The following GLI3 variants were observed in gnomAD, a reference collection of about 807,000 sequenced individuals.
The protein encoded by GLI3 is GLI family zinc finger 3, also known as transcription activator GLI3.
In GLI3, 20 loss-of-function variants were observed where a neutral mutation model predicts 100.8. That is an observed-to-expected ratio of 0.20 (90% CI 0.14 to 0.29). The LOEUF is 0.29. Among genes scored for constraint, GLI3 ranks in the 10% least tolerant of loss-of-function variants. The probability of loss-of-function intolerance (pLI) is 1.00; values close to 1 mark genes in which losing one functional copy is unlikely to be tolerated. For missense variants in GLI3, 2,040 were observed against 2,128.5 expected, an observed-to-expected ratio of 0.96 and a Z score of 0.82; for synonymous variants, 938 against 860.5, an observed-to-expected ratio of 1.09 and a Z score of -1.58.
intron 10 of GLI3, among the ~76,000 whole-genome samples, chr7:41,988,336 G>A (rs775647504): frequency 6.6e-6 from 1 of 152,068 alleles, no homozygotes; most frequent in Non-Finnish European, 1.5e-5. Flanking sequence ...TGTAGCAGGT[G>A]CCTGTAATCC....
In GLI3 at chr7:41,965,205, C is replaced by T. The variant is rs892373364; in HGVS notation, c.3868G>A (p.Gly1290Arg). The change falls in exon 15 of 15, where the codon GGG (glycine) becomes AGG (arginine). Residue 1290 changes from glycine (G) to arginine (R), a missense_variant. By Grantham distance (125) the Gly-to-Arg change is moderately radical. Transcript: ENST00000395925. ...KLKSTPMQGS[G>R]GQLNFGLPVA... is the part of the protein sequence containing the mutation. ...GGCAGGCCGAAATTCAGCTGGCCCC[C>T]GCTCCCTTGCATGGGGGTGCTCTTC... The T allele has an allele frequency of 1.2e-6, 2 of 1,613,904 alleles. No individual in the cohort carries two copies. The highest frequency in any genetic ancestry group is 1.7e-6 in the Non-Finnish European group (2 of 1,180,026).
At chr7:42,092,670 C>T (rs1458312211) in intron 3 of GLI3, among the ~76,000 whole-genome samples, 3 of 152,194 alleles carry the variant, frequency 2.0e-5, no homozygotes, top group Admixed American at 6.5e-5. Context: ...CGGCTTTTAT[C>T]TCAGAACCAC....
intron 3 of GLI3, among the ~76,000 whole-genome samples, chr7:42,117,013 C>A (rs983317346): frequency 4.6e-5 from 7 of 152,222 alleles, no homozygotes; most frequent in African/African-American, 1.2e-4. Context: ...AGGGACAGGG[C>A]CAAGGCTACA....
At chr7:42,238,003 G>GCCGCCGCCGCCGCCGCCT (rs1260875008), upstream of GLI3, 2 of 140,528 alleles carry the variant, frequency 1.4e-5, no homozygotes, top group African/African-American at 7.2e-5. Flanking sequence ...CGCCGCCGCC[G>GCCGCCGCCGCCGCCGCCT]CCTCCTCCTC....
intron 4 of GLI3, among the ~76,000 whole-genome samples, chr7:42,061,124 T>C (rs534863418): frequency 1.3e-5 from 2 of 152,326 alleles, no homozygotes; most frequent in East Asian, 3.9e-4. Flanking sequence ...TAGGTGGATA[T>C]AATTAATTGA....
chr7:42,110,603 C>T (rs548657035), intron 3 of GLI3, among the ~76,000 whole-genome samples: 4 of 152,226 alleles, frequency 2.6e-5, no homozygotes, highest in Admixed American at 2.6e-4. Context: ...CCCTGCACAG[C>T]ATCTACAAAA....
At chr7:42,057,938 C>T (rs1292914630) in intron 4 of GLI3, among the ~76,000 whole-genome samples, 1 of 152,088 alleles carries the variant, frequency 6.6e-6, no homozygotes, top group East Asian at 1.9e-4. Flanking sequence ...ATATTGGGTA[C>T]AATGTACACT....
At chr7:42,236,117 T>A (rs1583668200) in intron 1 of GLI3, among the ~76,000 whole-genome samples, 1 of 151,910 alleles carries the variant, frequency 6.6e-6, no homozygotes, top group Non-Finnish European at 1.5e-5. Context: ...AAAGGCCGGG[T>A]GCGGGGTGGA....
intron 10 of GLI3, among the ~76,000 whole-genome samples, chr7:42,005,395 A>C (rs1167507183): frequency 6.6e-6 from 1 of 151,966 alleles, no homozygotes; most frequent in Non-Finnish European, 1.5e-5. Flanking sequence ...ATGGATGGAT[A>C]GATGGATGGA....
At chr7:42,133,060 G>A (rs79582493) in intron 3 of GLI3, among the ~76,000 whole-genome samples, 2,750 of 152,018 alleles carry the variant, frequency 0.018, 78 homozygotes, top group African/African-American at 0.063. Context: ...AACACCAAAA[G>A]GCCTTCAATA....
chr7:42,027,487 T>C (rs1295723703), intron 7 of GLI3, among the ~76,000 whole-genome samples: 1 of 152,218 alleles, frequency 6.6e-6, no homozygotes, highest in Non-Finnish European at 1.5e-5. Context: ...ATCTGGTGGG[T>C]TAATTACTAT....
intron 2 of GLI3, among the ~76,000 whole-genome samples, chr7:42,202,384 TCA>T (rs1788062739): frequency 1.0e-5 from 1 of 96,098 alleles, no homozygotes; most frequent in Admixed American, 1.0e-4. Flanking sequence ...ACACACACAC[TCA>T]CACACACACA....
At chr7:42,024,719 C>CT (rs1789055044) in intron 9 of GLI3, among the ~76,000 whole-genome samples, 1 of 152,246 alleles carries the variant, frequency 6.6e-6, no homozygotes, top group Non-Finnish European at 1.5e-5. Context: ...ATCCTACACT[C>CT]TTCCTTTCAG....
At chr7:42,101,557 G>A (rs935695186) in intron 3 of GLI3, among the ~76,000 whole-genome samples, 1 of 151,982 alleles carries the variant, frequency 6.6e-6, no homozygotes, top group Non-Finnish European at 1.5e-5. Context: ...AGTGAGCCAT[G>A]TTGGCACCAC....
At chr7:42,069,374 C>T (rs1392669575) in intron 4 of GLI3, among the ~76,000 whole-genome samples, 1 of 152,110 alleles carries the variant, frequency 6.6e-6, no homozygotes, top group Non-Finnish European at 1.5e-5. Context: ...TTTATGTGCC[C>T]GCTCATCAGA....
intron 2 of GLI3, among the ~76,000 whole-genome samples, chr7:42,196,009 TC>T (rs1219407802): frequency 6.6e-5 from 10 of 152,160 alleles, no homozygotes; most frequent in Admixed American, 6.5e-4. Flanking sequence ...GTGGAGTGTG[TC>T]CAATAAGGTA....
chr7:42,007,417 A>G (rs939934391), intron 10 of GLI3, among the ~76,000 whole-genome samples: 5 of 152,198 alleles, frequency 3.3e-5, no homozygotes, highest in African/African-American at 4.8e-5. Context: ...TAAAAACTCA[A>G]TGATCACACC....
chr7:42,082,875 T>G (rs1421774088), intron 3 of GLI3, among the ~76,000 whole-genome samples: 3 of 152,182 alleles, frequency 2.0e-5, no homozygotes, highest in African/African-American at 7.2e-5. Context: ...GTGGGCCGGT[T>G]TTTGTAAATA....
intron 1 of GLI3, among the ~76,000 whole-genome samples, chr7:42,224,471 T>C (rs1788546998): frequency 6.6e-6 from 1 of 152,196 alleles, no homozygotes; most frequent in African/African-American, 2.4e-5. Context: ...TTCAAGTAAC[T>C]AGAATGCTTA....
Sources: allele counts gnomAD v4.1 joint callset (sites outside exome capture counted in the v4.1 genomes callset), GRCh38; gene constraint gnomAD v4.1.1; transcripts MANE v1.5; gene names NCBI Gene and HGNC (gene_info 2026-07-23, HGNC 2026-07-21).